Variants in TMEM131L observed in about 807,000 individuals in gnomAD.
TMEM131L encodes the protein transmembrane protein 131-like.
Under a neutral mutation model 192.2 loss-of-function variants are expected in TMEM131L, and 54 were observed. The observed-to-expected ratio is 0.28, with a 90% CI of 0.23 to 0.35. The LOEUF (loss-of-function observed/expected upper bound fraction) is 0.35, where lower values mean the gene tolerates loss of function less well. Ranked by LOEUF, TMEM131L falls within the 10% of genes least tolerant of loss-of-function variation. The pLI is 1.00. For missense variants in TMEM131L, 1,888 were observed against 1,972.9 expected, an observed-to-expected ratio of 0.96 and a Z score of 0.82; for synonymous variants, 701 against 704.9, an observed-to-expected ratio of 0.99 and a Z score of 0.09.
intron 3 of TMEM131L, among the ~76,000 whole-genome samples, chr4:153,523,312 C>G (rs184276444): frequency 5.3e-4 from 80 of 152,292 alleles, no homozygotes; most frequent in African/African-American, 1.8e-3. Flanking sequence ...TAGTATCCCT[C>G]TAGGCTGCTG....
intron 21 of TMEM131L, among the ~76,000 whole-genome samples, chr4:153,600,082 T>C (rs1270663851): frequency 6.6e-6 from 1 of 152,104 alleles, no homozygotes; most frequent in East Asian, 1.9e-4. Context: ...AAATAACTAG[T>C]TGCTGGGTGT....
At chr4:153,536,993 G>A (rs571727116) in intron 3 of TMEM131L, among the ~76,000 whole-genome samples, 6 of 152,254 alleles carry the variant, frequency 3.9e-5, no homozygotes, top group South Asian at 2.1e-4. Flanking sequence ...TCCTGGCTGC[G>A]CTGGCAGCTG....
In TMEM131L at chr4:153,466,952, C is replaced by T. The variant is rs535523767; in HGVS notation, c.125-259C>T. On this transcript the variant is annotated intron_variant, in intron 1 of 34. Transcript: ENST00000409959. ...GAGTGCCTCGTGGGGTGTCTTCACT[C>T]CCACTTCGTCCCCCCACCCCCAGCA... Among the ~76,000 whole-genome samples the T allele has an allele frequency of 6.6e-5, 10 of 152,316 alleles. No homozygotes were observed. The East Asian group carries it at 1.9e-3, about 29-fold the overall frequency.
chr4:153,583,118 G>T (rs1179268419), intron 9 of TMEM131L, 72 bp from the exon 10 acceptor site: 1 of 782,008 alleles, frequency 1.3e-6, no homozygotes, highest in Non-Finnish European at 2.3e-6. Flanking sequence ...ATATGAAGGT[G>T]TGAGAATGAG....
At chr4:153,608,649 C>T (rs1490168493) in intron 25 of TMEM131L, among the ~76,000 whole-genome samples, 1 of 152,158 alleles carries the variant, frequency 6.6e-6, no homozygotes, top group African/African-American at 2.4e-5. Flanking sequence ...CCTCACCTTT[C>T]TGAAATTATT....
intron 25 of TMEM131L, among the ~76,000 whole-genome samples, chr4:153,607,512 C>T (rs1232231006): frequency 1.3e-5 from 2 of 152,144 alleles, no homozygotes; most frequent in African/African-American, 2.4e-5. Flanking sequence ...AGAATGGGAA[C>T]TCACTCAGTG....
intron 3 of TMEM131L, among the ~76,000 whole-genome samples, chr4:153,484,797 A>G (rs750531939): frequency 1.8e-4 from 26 of 144,724 alleles, no homozygotes; most frequent in Non-Finnish European, 3.9e-4. Context: ...AGTCTCCTGT[A>G]AGCATGAAAA....
intron 3 of TMEM131L, among the ~76,000 whole-genome samples, chr4:153,530,117 A>G (rs1735784156): frequency 6.7e-6 from 1 of 150,184 alleles, no homozygotes; most frequent in South Asian, 2.1e-4. Flanking sequence ...ACTTTTATCC[A>G]TTCACTACAC....
At chr4:153,589,408 A>T (rs1016779496) in intron 16 of TMEM131L, among the ~76,000 whole-genome samples, 1 of 152,162 alleles carries the variant, frequency 6.6e-6, no homozygotes, top group African/African-American at 2.4e-5. Flanking sequence ...AGTTGACCTG[A>T]TGACTGAGAT....
intron 29 of TMEM131L, among the ~76,000 whole-genome samples, 187 bp from the exon 30 acceptor site, chr4:153,625,960 A>G (rs911966372): frequency 6.6e-6 from 1 of 152,172 alleles, no homozygotes. Context: ...ATATACCTAA[A>G]TGTTCATAAT....
intron 8 of TMEM131L, 134 bp from the exon 9 acceptor site, chr4:153,581,273 T>G (rs1730318585): frequency 1.5e-6 from 1 of 669,142 alleles, no homozygotes; most frequent in Non-Finnish European, 2.3e-6. Context: ...TAAAATAAAA[T>G]AAAACACAAA....
chr4:153,553,802 A>G (rs1425588931), intron 4 of TMEM131L, among the ~76,000 whole-genome samples: 1 of 152,238 alleles, frequency 6.6e-6, no homozygotes, highest in Admixed American at 6.5e-5. Flanking sequence ...CTAATCATTC[A>G]TAGAGATTTT....
rs1238668988 is a variant in TMEM131L, at chr4:153,622,901, G to A, written c.3863G>A (p.Gly1288Asp). ...SLPAAQREAEGYYQKPEKKCV... is the reference protein window; with the variant it reads ...SLPAAQREAEDYYQKPEKKCV... ...TGACTCCTTTCACTTCCTCCAGAAGGTTACTACCAGAAGCCTGAGAAGAAA... is the reference window on the plus strand; with the variant it reads ...TGACTCCTTTCACTTCCTCCAGAAGATTACTACCAGAAGCCTGAGAAGAAA... Residue 1288 changes from glycine to aspartate, a missense_variant, in exon 29 of 35, where the codon GGT becomes GAT. Coordinates refer to ENST00000409959, the MANE Select transcript of TMEM131L (RefSeq NM_001131007.2). 2.5e-6 allele frequency: 4 copies of A among 1,614,050 alleles called. No homozygotes were observed. Among genetic ancestry groups the A allele is most frequent in the Non-Finnish European group, 3.4e-6 (4 of 1,180,018 alleles).
chr4:153,604,662 C>T (rs796429806), intron 25 of TMEM131L, among the ~76,000 whole-genome samples: 6 of 152,174 alleles, frequency 3.9e-5, no homozygotes, highest in African/African-American at 1.4e-4. Flanking sequence ...CTATGAATAT[C>T]ATATTTTCTT....
At chr4:153,489,339 A>G (rs548903590) in intron 3 of TMEM131L, among the ~76,000 whole-genome samples, 4 of 152,306 alleles carry the variant, frequency 2.6e-5, no homozygotes, top group African/African-American at 9.6e-5. Flanking sequence ...CGCAGCTGCA[A>G]AACCCACGCA....
intron 9 of TMEM131L, among the ~76,000 whole-genome samples, chr4:153,582,433 G>GTT (rs1038256479): frequency 0.017 from 675 of 40,322 alleles, 87 homozygotes; most frequent in African/African-American, 0.042. Flanking sequence ...TTTTTTTGTT[G>GTT]TTTTTTTTTT....
intron 15 of TMEM131L, 128 bp downstream of exon 15, chr4:153,587,939 T>A (rs1352822283): frequency 1.8e-5 from 13 of 724,200 alleles, no homozygotes; most frequent in Non-Finnish European, 2.5e-5. Flanking sequence ...GAGAGGATGA[T>A]CATTAACAGA....
chr4:153,608,868 C>T (rs148000776), intron 25 of TMEM131L, among the ~76,000 whole-genome samples: 77 of 152,236 alleles, frequency 5.1e-4, no homozygotes, highest in Admixed American at 9.1e-4. Context: ...GAATTACTGA[C>T]CTATAAAGCT....
chr4:153,488,421 C>A (rs867809885), intron 3 of TMEM131L, among the ~76,000 whole-genome samples: 1 of 152,092 alleles, frequency 6.6e-6, no homozygotes, highest in Non-Finnish European at 1.5e-5. Context: ...GAGTGGGGAC[C>A]GGGCCCTGGT....
Sources: allele counts gnomAD v4.1 joint callset (sites outside exome capture counted in the v4.1 genomes callset), GRCh38; gene constraint gnomAD v4.1.1; transcripts MANE v1.5; gene names NCBI Gene and HGNC (gene_info 2026-07-23, HGNC 2026-07-21).